The following DOK7 variants were observed in gnomAD, a reference collection of about 807,000 sequenced individuals.
The protein encoded by DOK7 is docking protein 7, also known as protein Dok-7.
In DOK7, 32 loss-of-function variants were observed where a neutral mutation model predicts 30.7. The ratio of observed to expected loss-of-function variants is 1.04; its 90% CI spans 0.79 to 1.40. The LOEUF is 1.40. DOK7 is among the 40% of genes most tolerant of loss of function. The pLI is 0.00. For synonymous variants in DOK7, 447 were observed against 324.1 expected (o/e 1.38, Z -4.07); for missense variants, 1,007 against 699.2 (o/e 1.44, Z -4.97).
At chr4:3,468,666 GC>G (rs1182929062) in intron 2 of DOK7, among the ~76,000 whole-genome samples, 1 of 112,208 alleles carries the variant, frequency 8.9e-6, no homozygotes, top group African/African-American at 2.9e-5. Context: ...GAGTGTGTGT[GC>G]CTGTGTGCAT....
At position 3,463,462 on chromosome 4, in the gene DOK7, G is replaced by A. The variant is rs943989420; in HGVS notation, c.54+33G>A. ...CGCGTCGGGGGCGCGGGGGGGGGGG[G>A]CGCGGGCGCGGGCGGCGGCTCACGC... On this transcript the variant is annotated intron_variant, in intron 1 of 6. Transcript: ENST00000340083. The A allele has an allele frequency of 4.9e-6, 6 of 1,215,598 alleles. No homozygotes were observed. The highest frequency in any genetic ancestry group is 3.0e-5 in the Admixed American group (1 of 32,800). 75.3% of individuals were successfully genotyped at this position (1,215,598 alleles called of 1,614,324 possible). A position where few individuals can be genotyped will look rare whatever the true frequency, so the allele number is the denominator to read the frequency against.
chr4:3,474,344 A>C (rs1272867019), intron 3 of DOK7, among the ~76,000 whole-genome samples: 2 of 152,194 alleles, frequency 1.3e-5, no homozygotes, highest in African/African-American at 4.8e-5. Flanking sequence ...CCTGGCACCC[A>C]CCCAATAATC....
chr4:3,495,682 C>T (rs1416508229), downstream of DOK7, among the ~76,000 whole-genome samples: 1 of 152,194 alleles, frequency 6.6e-6, no homozygotes, highest in Non-Finnish European at 1.5e-5. Flanking sequence ...ATGGGACAGA[C>T]ACTGGTTCTG....
intron 2 of DOK7, among the ~76,000 whole-genome samples, chr4:3,469,163 A>ATG (rs544881859): frequency 2.7e-4 from 37 of 135,776 alleles, no homozygotes; most frequent in Non-Finnish European, 4.6e-4. Context: ...ATGAGTGTGC[A>ATG]TGTGTGTGTG....
chr4:3,493,444 G>A lies in DOK7; in HGVS notation c.1458G>A (p.Pro486=), dbSNP rs763843300. Residue 486 remains proline (P), a synonymous_variant, in exon 7 of 7, where the codon CCG becomes CCA. Transcript: ENST00000340083. ...EAGGPHAGPP[P]AFFSACPVCG... ...GCGGCCCCCACGCGGGGCCACCCCC[G>A]GCTTTCTTTTCGGCATGTCCAGTCT... is the stretch of plus-strand genomic sequence containing the variant. 8.7e-6 allele frequency: 14 copies of A among 1,608,048 alleles called. No homozygotes were observed. Among genetic ancestry groups the A allele is most frequent in the South Asian group, 5.5e-5 (5 of 90,372 alleles).
At chr4:3,491,050 T>C (rs796694327) in intron 6 of DOK7, among the ~76,000 whole-genome samples, 35 of 86,096 alleles carry the variant, frequency 4.1e-4, no homozygotes, top group African/African-American at 1.4e-3. Context: ...TTCCTTCCTT[T>C]CTTTTCCCCC....
chr4:3,492,741 C>G lies in DOK7; in HGVS notation c.773-18C>G. 1 of 1,612,116 alleles carries G rather than the reference C, an allele frequency of 6.2e-7. No homozygotes were observed. Among genetic ancestry groups the G allele is most frequent in the Non-Finnish European group, 8.5e-7 (1 of 1,179,952 alleles). ...CCCTGTACCCCCACAACTGCCTTGG[C>G]TTCCTGCTCTGTCTCAGGGGATGAC... On this transcript the variant is annotated intron_variant, in intron 6 of 6. Coordinates refer to ENST00000340083, the MANE Select transcript of DOK7 (RefSeq NM_173660.5).
In DOK7 at chr4:3,493,427, C is replaced by T. The variant is rs1266239935; in HGVS notation, c.1441C>T (p.His481Tyr). ...CGAGCCCTGGGAAGCAGGCGGCCCC[C>T]ACGCGGGGCCACCCCCGGCTTTCTT... ...PGEPWEAGGP[H>Y]AGPPPAFFSA... Residue 481 changes from histidine (H) to tyrosine (Y), a missense_variant, in exon 7 of 7, where the codon CAC becomes TAC. Physicochemically the swap from His to Tyr is moderately conservative, Grantham distance 83 (BLOSUM62 2). Transcript: ENST00000340083. The T allele has an allele frequency of 6.2e-7, 1 of 1,602,314 alleles. No homozygotes were observed. The highest frequency in any genetic ancestry group is 1.3e-5 in the African/African-American group (1 of 74,858).
At position 3,489,724 on chromosome 4, in the gene DOK7, G is replaced by C; in HGVS notation, c.700G>C (p.Glu234Gln). The change falls in exon 6 of 7, where the codon GAA (glutamate) becomes CAA (glutamine). Residue 234 changes from glutamate (E) to glutamine (Q), a missense_variant. Physicochemically the swap from Glu to Gln is conservative, Grantham distance 29 (BLOSUM62 2). Coordinates refer to ENST00000340083, the MANE Select transcript of DOK7 (RefSeq NM_173660.5). Reference protein sequence around the residue: ...PSTVEERVAQEALETLQLEKR... With the variant: ...PSTVEERVAQQALETLQLEKR... ...GACTGTGGAGGAGCGTGTGGCCCAGGAAGCCCTGGAAACCCTACAGCTGGA... is the reference window on the plus strand; with the variant it reads ...GACTGTGGAGGAGCGTGTGGCCCAGCAAGCCCTGGAAACCCTACAGCTGGA... 6.4e-7 allele frequency: 1 copy of C among 1,565,358 alleles called. No homozygotes were observed.
exon 8 of DOK7, chr4:3,501,170 T>G: frequency 3.1e-6 from 1 of 317,780 alleles, no homozygotes; most frequent in Non-Finnish European, 5.8e-6. Flanking sequence ...TGGTTTGTGG[T>G]GCCTGGGATG....
chr4:3,476,142 CGCCCCGCCTG>C (rs1560212003), intron 3 of DOK7, among the ~76,000 whole-genome samples, 190 bp from the exon 4 acceptor site: 6 of 149,122 alleles, frequency 4.0e-5, no homozygotes, highest in Non-Finnish European at 6.0e-5. Flanking sequence ...GATGCCCTCT[CGCCCCGCCTG>C]ACCGTGATGC....
At chr4:3,476,646 T>C (rs1577153468) in intron 4 of DOK7, 104 bp downstream of exon 4, 1 of 1,468,968 alleles carries the variant, frequency 6.8e-7, no homozygotes, top group Non-Finnish European at 9.4e-7. Flanking sequence ...GCTGGCCTGC[T>C]GGCATTTCCA....
intron 2 of DOK7, among the ~76,000 whole-genome samples, chr4:3,466,973 C>T (rs1028023426): frequency 7.2e-5 from 11 of 152,298 alleles, no homozygotes; most frequent in African/African-American, 1.4e-4. Context: ...TGGCCTGGCC[C>T]GAGGAGGCAT....
At chr4:3,466,682 T>A (rs1368437099) in intron 2 of DOK7, among the ~76,000 whole-genome samples, 1 of 152,154 alleles carries the variant, frequency 6.6e-6, no homozygotes, top group Non-Finnish European at 1.5e-5. Flanking sequence ...CAGCTCCACA[T>A]GTGGGAGCAG....
chr4:3,469,422 T>G (rs1726618547), intron 2 of DOK7, among the ~76,000 whole-genome samples: 1 of 149,284 alleles, frequency 6.7e-6, no homozygotes. Flanking sequence ...AGCCAGAGGG[T>G]GGGTGGGCAG....
intron 2 of DOK7, among the ~76,000 whole-genome samples, chr4:3,468,905 C>T (rs1357999876): frequency 1.5e-5 from 2 of 134,844 alleles, no homozygotes; most frequent in African/African-American, 5.8e-5. Flanking sequence ...GTGTGCATGT[C>T]TGTGTGTGTA....
exon 8 of DOK7, chr4:3,501,377 G>C (rs1729175824): frequency 6.5e-6 from 1 of 154,752 alleles, no homozygotes. Flanking sequence ...CGGCTGTCCT[G>C]CCTGGGCCAC....
At position 3,473,570 on chromosome 4, in the gene DOK7, C is replaced by T. The variant is rs1319150034; in HGVS notation, c.265C>T (p.Leu89=). 1.2e-6 allele frequency: 2 copies of T among 1,609,860 alleles called. No homozygotes were observed. The highest frequency in any genetic ancestry group is 1.7e-6 in the Non-Finnish European group (2 of 1,178,814). ...AIVCLSQAIM[L]GFDSHEAMCA... ...TGTCTGCCTGTCCCAGGCCATCATGCTGGGCTTTGACAGCCACGAGGCCAT... is the reference window on the plus strand; with the variant it reads ...TGTCTGCCTGTCCCAGGCCATCATGTTGGGCTTTGACAGCCACGAGGCCAT... The change falls in exon 3 of 7, where the codon CTG becomes TTG. Residue 89 remains leucine, a synonymous_variant. Coordinates refer to ENST00000340083, the MANE Select transcript of DOK7 (RefSeq NM_173660.5).
intron 5 of DOK7, among the ~76,000 whole-genome samples, chr4:3,486,553 GC>G (rs1048197014): frequency 6.6e-6 from 1 of 152,204 alleles, no homozygotes; most frequent in Non-Finnish European, 1.5e-5. Context: ...AGCCCCCAAT[GC>G]CCCCTGCCCA....
Sources: gnomAD v4.1 joint callset for allele counts (sites outside exome capture counted in the v4.1 genomes callset) on GRCh38, gnomAD v4.1.1 for gene constraint, MANE v1.5 for transcripts, NCBI Gene and HGNC (gene_info 2026-07-23, HGNC 2026-07-21) for gene names.